The following UBTD1 variants were observed in gnomAD, a reference collection of about 807,000 sequenced individuals.
UBTD1 encodes the protein ubiquitin domain-containing protein 1.
A neutral mutation model predicts 21.7 loss-of-function variants in UBTD1; 19 were observed. The ratio of observed to expected loss-of-function variants is 0.87; its 90% CI spans 0.61 to 1.28. The LOEUF (loss-of-function observed/expected upper bound fraction) is 1.28, where lower values mean the gene tolerates loss of function less well. Ranked by LOEUF, UBTD1 falls within the 50% of genes most tolerant of loss-of-function variation. The probability of loss-of-function intolerance (pLI) is 0.00; values close to 1 mark genes in which losing one functional copy is unlikely to be tolerated. For missense variants in UBTD1, 282 were observed against 315.1 expected (o/e 0.89, Z 0.80); for synonymous variants, 116 against 135.1 (o/e 0.86, Z 0.98).
At chr10:97,549,556 G>A (rs934499141) in intron 1 of UBTD1, among the ~76,000 whole-genome samples, 5 of 152,234 alleles carry the variant, frequency 3.3e-5, no homozygotes, top group African/African-American at 4.8e-5. Flanking sequence ...GCCATGGGCT[G>A]GGCATCATCC....
Position 97,565,630 on chromosome 10 carries a change from C to T in UBTD1, c.71-2284C>T, listed in dbSNP as rs184838262. 2.6e-3 allele frequency among the ~76,000 whole-genome samples: 390 copies of T among 152,224 alleles called. 1 individual carries two copies. Among genetic ancestry groups the T allele is most frequent in the African/African-American group, 7.0e-3 (292 of 41,538 alleles). The stretch of plus-strand genomic sequence containing the variant: ...TCACACCACCGCACTCCAGACTGGG[C>T]GACAGAGTGACCTTGTCTCTCAAAC... On this transcript the variant is annotated intron_variant, in intron 1 of 2. Coordinates refer to ENST00000370664, the MANE Select transcript of UBTD1 (RefSeq NM_024954.5).
In UBTD1 at chr10:97,554,940, G is replaced by A. The variant is rs190815613; in HGVS notation, c.71-12974G>A. ...TGTAGACAGTGCTGACAGCTTGGTC[G>A]TGCCCTTTCTCAACCCTTGGTAGAT... On this transcript the variant is annotated intron_variant, in intron 1 of 2. Transcript: ENST00000370664. Among the ~76,000 whole-genome samples, 34 of 152,254 alleles carry A rather than the reference G, an allele frequency of 2.2e-4. 1 individual carries two copies. The highest frequency in any genetic ancestry group is 1.5e-3 in the Admixed American group (23 of 15,278).
intron 1 of UBTD1, among the ~76,000 whole-genome samples, chr10:97,529,527 C>T (rs1234298561): frequency 2.0e-5 from 3 of 152,090 alleles, no homozygotes; most frequent in South Asian, 2.1e-4. Flanking sequence ...CTCGGGAGGC[C>T]GAGGCTGGCG....
intron 2 of UBTD1, among the ~76,000 whole-genome samples, chr10:97,569,790 A>G (rs908165996): frequency 5.3e-5 from 8 of 152,056 alleles, no homozygotes; most frequent in Non-Finnish European, 1.2e-4. Context: ...TGTCTCTACA[A>G]GAACTGTAAG....
intron 1 of UBTD1, among the ~76,000 whole-genome samples, chr10:97,540,476 A>G (rs2040582601): frequency 6.6e-6 from 1 of 152,240 alleles, no homozygotes; most frequent in Admixed American, 6.5e-5. Context: ...ATGATGTAAT[A>G]CATATGAAGT....
Position 97,549,035 on chromosome 10 carries a change from G to A in UBTD1, c.71-18879G>A, listed in dbSNP as rs192833744. On this transcript the variant is annotated intron_variant, in intron 1 of 2. Coordinates refer to ENST00000370664, the MANE Select transcript of UBTD1 (RefSeq NM_024954.5). ...GGCAGCCGACCCCGTGAATGTGTACGTTGTATGCAGCACCATGAAAGCACA... is the reference window on the plus strand; with the variant it reads ...GGCAGCCGACCCCGTGAATGTGTACATTGTATGCAGCACCATGAAAGCACA... 1.4e-3 allele frequency among the ~76,000 whole-genome samples: 213 copies of A among 152,342 alleles called. 1 individual carries two copies. In the Middle Eastern group the frequency reaches 0.051, roughly 36 times the overall value.
intron 1 of UBTD1, among the ~76,000 whole-genome samples, chr10:97,505,089 AG>A (rs1460575736): frequency 1.4e-4 from 22 of 152,170 alleles, no homozygotes; most frequent in African/African-American, 5.3e-4. Flanking sequence ...CTCGCAGGGC[AG>A]GGATAGGGTG....
chr10:97,510,071 T>C (rs2040417246), intron 1 of UBTD1, among the ~76,000 whole-genome samples: 1 of 152,186 alleles, frequency 6.6e-6, no homozygotes, highest in Non-Finnish European at 1.5e-5. Flanking sequence ...CAAGTGACTC[T>C]TGTGCCTCAG....
chr10:97,550,113 G>C (rs909811584), intron 1 of UBTD1, among the ~76,000 whole-genome samples: 1 of 152,190 alleles, frequency 6.6e-6, no homozygotes, highest in Non-Finnish European at 1.5e-5. Context: ...GGGACAAGGA[G>C]GCTCTTGTTC....
chr10:97,570,094 A>C lies in UBTD1; in HGVS notation c.299-44A>C. ...GGGACCCAAACATTTAATCCATGAT[A>C]GTGGATCCCCAAGCTGACTCTGACA... On this transcript the variant is annotated intron_variant, in intron 2 of 2. Transcript: ENST00000370664. This position sits in a 1 kb window ranked among gnomAD's most constrained non-coding sequence, Gnocchi z 6.6. 6.4e-7 allele frequency: 1 copy of C among 1,559,660 alleles called. No homozygotes were observed. The highest frequency in any genetic ancestry group is 8.7e-7 in the Non-Finnish European group (1 of 1,150,964).
At chr10:97,555,483 G>T (rs2040659619) in intron 1 of UBTD1, among the ~76,000 whole-genome samples, 1 of 152,172 alleles carries the variant, frequency 6.6e-6, no homozygotes, top group Non-Finnish European at 1.5e-5. Flanking sequence ...ACGAGCCACA[G>T]ACAAAACCTC....
intron 1 of UBTD1, among the ~76,000 whole-genome samples, chr10:97,513,912 G>A (rs999348306): frequency 2.0e-5 from 3 of 151,810 alleles, no homozygotes; most frequent in Non-Finnish European, 2.9e-5. Context: ...GGGTCTCGCC[G>A]TGTTGCCCAG....
chr10:97,505,268 G>A (rs371055579), intron 1 of UBTD1, among the ~76,000 whole-genome samples: 3 of 152,176 alleles, frequency 2.0e-5, no homozygotes, highest in East Asian at 3.8e-4. Context: ...GAGAACAAAG[G>A]TATGTCTGTC....
chr10:97,524,587 G>A (rs754102592), intron 1 of UBTD1, among the ~76,000 whole-genome samples: 1 of 152,194 alleles, frequency 6.6e-6, no homozygotes, highest in Non-Finnish European at 1.5e-5. Flanking sequence ...GAAGGCAGGT[G>A]CATTTCTTTG....
At chr10:97,536,598 G>T (rs946831577) in intron 1 of UBTD1, among the ~76,000 whole-genome samples, 2 of 152,200 alleles carry the variant, frequency 1.3e-5, no homozygotes, top group African/African-American at 4.8e-5. Context: ...GGGCCCAGGG[G>T]CAGGGTGCCC....
chr10:97,545,973 T>TG (rs1447487088), intron 1 of UBTD1, among the ~76,000 whole-genome samples: 1 of 152,092 alleles, frequency 6.6e-6, no homozygotes, highest in African/African-American at 2.4e-5. Context: ...TTAGTAGAGA[T>TG]GGGGTTTCAC....
intron 1 of UBTD1, among the ~76,000 whole-genome samples, chr10:97,562,076 C>T (rs768189649): frequency 6.6e-6 from 1 of 152,152 alleles, no homozygotes; most frequent in South Asian, 2.1e-4. Flanking sequence ...CTCCTCCCTT[C>T]GGACTGTGTC....
intron 1 of UBTD1, among the ~76,000 whole-genome samples, chr10:97,521,290 C>T (rs955528493): frequency 6.6e-6 from 1 of 152,166 alleles, no homozygotes; most frequent in African/African-American, 2.4e-5. Flanking sequence ...GTGGAGGGCA[C>T]GCTTGAGGAA....
intron 1 of UBTD1, among the ~76,000 whole-genome samples, chr10:97,502,859 A>G (rs1432714817): frequency 6.7e-6 from 1 of 148,498 alleles, no homozygotes; most frequent in Non-Finnish European, 1.5e-5. Flanking sequence ...ATATATACGT[A>G]TATATACGTA....
Sources: gnomAD v4.1 joint callset for allele counts (sites outside exome capture counted in the v4.1 genomes callset) on GRCh38, gnomAD v4.1.1 for gene constraint, Gnocchi (gnomAD v3.1) non-coding constraint, MANE v1.5 for transcripts, NCBI Gene and HGNC (gene_info 2026-07-23, HGNC 2026-07-21) for gene names.